The following DSCAM variants were observed in gnomAD, a reference collection of about 807,000 sequenced individuals.
DSCAM encodes the protein DS cell adhesion molecule, also known as cell adhesion molecule DSCAM.
DSCAM carries 47 observed loss-of-function variants against 217.7 expected under a neutral mutation model. The ratio of observed to expected loss-of-function variants is 0.22; its 90% CI spans 0.17 to 0.28. The LOEUF (loss-of-function observed/expected upper bound fraction) is 0.28. Among genes scored for constraint, DSCAM ranks in the 10% least tolerant of loss-of-function variants. The pLI, the probability that DSCAM is intolerant of heterozygous loss-of-function variation, is 1.00. For synonymous variants in DSCAM, 1,056 were observed against 1,015.3 expected (o/e 1.04, Z -0.76); for missense variants, 2,080 against 2,618.3 (o/e 0.79, Z 4.49).
chr21:40,238,705 C>A (rs899235573), intron 11 of DSCAM, among the ~76,000 whole-genome samples: 3 of 152,186 alleles, frequency 2.0e-5, no homozygotes, highest in Non-Finnish European at 4.4e-5. Flanking sequence ...CATGCCTAAA[C>A]CATGTCTAAG....
intron 28 of DSCAM, 139 bp downstream of exon 28, chr21:40,062,730 T>A: frequency 1.3e-6 from 1 of 741,726 alleles, no homozygotes; most frequent in Non-Finnish European, 2.1e-6. Context: ...TTGGAATGTA[T>A]AGGAAATTAC....
intron 1 of DSCAM, among the ~76,000 whole-genome samples, chr21:40,726,548 G>GAA (rs1454859960): frequency 8.8e-6 from 1 of 114,082 alleles, no homozygotes; most frequent in Non-Finnish European, 1.6e-5. Context: ...AGCTTTAACA[G>GAA]GAAAAAAAAA....
At position 40,456,297 on chromosome 21, in the gene DSCAM, T is replaced by G. The variant is rs138984690; in HGVS notation, c.509-87052A>C. ...AGATAAATTATAATTAGAAAAAAAA[T>G]TTTTTAGAGTTCACTTAAAAAAAAG... is the stretch of plus-strand genomic sequence containing the variant. On this transcript the variant is annotated intron_variant, in intron 3 of 32. Coordinates refer to ENST00000400454, the MANE Select transcript of DSCAM (RefSeq NM_001389.5). Among the ~76,000 whole-genome samples, 363 of 151,778 alleles carry G rather than the reference T, an allele frequency of 2.4e-3. 2 individuals carry two copies. Among genetic ancestry groups the G allele is most frequent in the African/African-American group, 8.4e-3 (350 of 41,432 alleles).
chr21:40,070,337 TAGGGAAGG>T (rs1348227587), intron 27 of DSCAM, among the ~76,000 whole-genome samples: 1 of 61,822 alleles, frequency 1.6e-5, no homozygotes, highest in East Asian at 4.6e-4. Flanking sequence ...AGAAGGAAGG[TAGGGAAGG>T]AGGGAGGGAG....
At chr21:40,247,874 A>G (rs1305308785) in intron 11 of DSCAM, among the ~76,000 whole-genome samples, 1 of 152,188 alleles carries the variant, frequency 6.6e-6, no homozygotes, top group African/African-American at 2.4e-5. Flanking sequence ...ATGCCCCTGC[A>G]GCGAACTTTT....
chr21:40,261,650 T>TACACACA lies in DSCAM; in HGVS notation c.2356+14446_2356+14447insTGTGTGT, dbSNP rs373042306. Among the ~76,000 whole-genome samples, 673 of 112,674 alleles carry TACACACA rather than the reference T, an allele frequency of 6.0e-3. 5 individuals carry two copies. The highest frequency in any genetic ancestry group is 0.013 in the African/African-American group (455 of 34,558). 73.9% of individuals were successfully genotyped at this position (112,674 alleles called of 152,430 possible). On this transcript the variant is annotated intron_variant, in intron 11 of 32. Transcript: ENST00000400454. ...ATAATAAACTTATTCTCTCTCTCTC[T>TACACACA]CTACACACACACACACACACACACA...
In DSCAM at chr21:40,055,837, C is replaced by A. The variant is rs753647645; in HGVS notation, c.4923G>T (p.Lys1641Asn). Reference protein sequence around the residue: ...AKSLAEMLMSKNTRTSDTLSK... With the variant: ...AKSLAEMLMSNNTRTSDTLSK... ...TTAACGTATCTGAAGTCCGGGTATT[C>A]TTACTGGGAATAAAATGGGGTAATG... is the stretch of plus-strand genomic sequence containing the variant. The change falls in exon 29 of 33, where the codon AAG becomes AAT. Residue 1641 changes from lysine to asparagine, a missense_variant. Lys to Asn is a moderately conservative substitution (Grantham distance 94). Transcript: ENST00000400454. The A allele has an allele frequency of 1.2e-6, 2 of 1,611,950 alleles. No individual in the cohort carries two copies. The highest frequency in any genetic ancestry group is 4.5e-5 in the East Asian group (2 of 44,796).
At chr21:40,834,195 T>C (rs904254022) in intron 1 of DSCAM, among the ~76,000 whole-genome samples, 1 of 151,746 alleles carries the variant, frequency 6.6e-6, no homozygotes, top group East Asian at 1.9e-4. Flanking sequence ...GATCACGAGG[T>C]CAGGAGATCA....
At chr21:40,696,897 T>A (rs1261354231) in intron 2 of DSCAM, among the ~76,000 whole-genome samples, 1 of 152,212 alleles carries the variant, frequency 6.6e-6, no homozygotes, top group Non-Finnish European at 1.5e-5. Context: ...TTCAATCTTT[T>A]CCCTGTGTTG....
chr21:40,707,583 G>T (rs1205530500), intron 2 of DSCAM, among the ~76,000 whole-genome samples: 1 of 152,090 alleles, frequency 6.6e-6, no homozygotes, highest in African/African-American at 2.4e-5. Flanking sequence ...ACTTACTGAA[G>T]AAATTATTGC....
chr21:40,776,704 C>T (rs966120768), intron 1 of DSCAM, among the ~76,000 whole-genome samples: 1 of 152,144 alleles, frequency 6.6e-6, no homozygotes, highest in Non-Finnish European at 1.5e-5. Context: ...GAAGGCTGTT[C>T]AGGGCCTTGG....
chr21:40,185,881 C>T (rs2090889307), intron 14 of DSCAM, among the ~76,000 whole-genome samples: 1 of 152,170 alleles, frequency 6.6e-6, no homozygotes, highest in African/African-American at 2.4e-5. Context: ...GGCCCTGGCT[C>T]TGCAGCATTT....
At chr21:40,013,499 A>G (rs2088100556) in intron 32 of DSCAM, 113 bp from the exon 33 acceptor site, 2 of 704,916 alleles carry the variant, frequency 2.8e-6, no homozygotes, top group Non-Finnish European at 4.3e-6. Context: ...ATGCCGCTGC[A>G]CACAGGTGCC....
At chr21:40,047,609 A>G (rs2088863009) in intron 30 of DSCAM, among the ~76,000 whole-genome samples, 1 of 152,204 alleles carries the variant, frequency 6.6e-6, no homozygotes, top group African/African-American at 2.4e-5. Context: ...AGAACATGTC[A>G]TGCGTACTGT....
intron 3 of DSCAM, among the ~76,000 whole-genome samples, chr21:40,476,743 C>A (rs1332137239): frequency 1.3e-5 from 2 of 151,990 alleles, no homozygotes; most frequent in Non-Finnish European, 2.9e-5. Context: ...ATGGGAAGGG[C>A]TCAAAAATCA....
chr21:40,751,927 C>G (rs62223046), intron 1 of DSCAM, among the ~76,000 whole-genome samples: 8,133 of 152,264 alleles, frequency 0.053, 245 homozygotes, highest in Non-Finnish European at 0.07. Context: ...TCCCCATCTC[C>G]TCGGCCACTG....
intron 3 of DSCAM, among the ~76,000 whole-genome samples, chr21:40,616,985 C>A (rs1381308771): frequency 1.4e-5 from 2 of 138,854 alleles, no homozygotes; most frequent in Non-Finnish European, 3.1e-5. Context: ...CCACTGCACT[C>A]CAGCCTGGGC....
At chr21:40,628,404 G>A (rs1177863627) in intron 3 of DSCAM, among the ~76,000 whole-genome samples, 1 of 152,114 alleles carries the variant, frequency 6.6e-6, no homozygotes, top group Non-Finnish European at 1.5e-5. Flanking sequence ...ATAAAATGGG[G>A]ATAACAGTAG....
chr21:40,706,082 G>GA (rs1445339672), intron 2 of DSCAM, among the ~76,000 whole-genome samples: 4 of 151,606 alleles, frequency 2.6e-5, no homozygotes, highest in Admixed American at 6.6e-5. Context: ...TCTGGAGGCT[G>GA]GGCAGGAAAA....
Sources: gnomAD v4.1 joint callset for allele counts (sites outside exome capture counted in the v4.1 genomes callset) on GRCh38, gnomAD v4.1.1 for gene constraint, MANE v1.5 for transcripts, NCBI Gene and HGNC (gene_info 2026-07-23, HGNC 2026-07-21) for gene names.